DNAJC17: variants seen among roughly 807,000 people sequenced by gnomAD.
DNAJC17 encodes dnaJ homolog subfamily C member 17.
DNAJC17 carries 35 observed loss-of-function variants against 48.1 expected under a neutral mutation model. The ratio of observed to expected loss-of-function variants is 0.73; its 90% CI spans 0.56 to 0.96. The LOEUF (loss-of-function observed/expected upper bound fraction) is 0.96, where lower values mean the gene tolerates loss of function less well. DNAJC17 is among the 50% of genes least tolerant of loss of function. The pLI is 0.00. For missense variants in DNAJC17, 355 were observed against 377.1 expected, an observed-to-expected ratio of 0.94 and a Z score of 0.48; for synonymous variants, 117 against 142.7, an observed-to-expected ratio of 0.82 and a Z score of 1.28.
At position 40,767,107 on chromosome 15, in the gene DNAJC17, A is replaced by G; in HGVS notation, c.*833T>C. On this transcript the variant is annotated 3_prime_UTR_variant, in exon 11 of 11. Transcript: ENST00000220496. ...CGTGCACTTACCCCAGCGCCCAGCA[A>G]GCAGCCAGCAAGTGTGAGTCACTAC... 8.3e-6 allele frequency: 9 copies of G among 1,078,646 alleles called. No homozygotes were observed. The highest frequency in any genetic ancestry group is 1.1e-5 in the Non-Finnish European group (9 of 792,490). The allele number at this position is 1,078,646 out of a possible 1,614,324, so 66.8% of individuals were successfully genotyped here. A position where few individuals can be genotyped will look rare whatever the true frequency, so the allele number is the denominator to read the frequency against.
chr15:40,767,930 G>A lies in DNAJC17; in HGVS notation c.*10C>T. The A allele has an allele frequency of 6.2e-7, 1 of 1,611,716 alleles. No homozygotes were observed. On this transcript the variant is annotated 3_prime_UTR_variant, in exon 11 of 11. Coordinates refer to ENST00000220496, the MANE Select transcript of DNAJC17 (RefSeq NM_018163.3). ...GAAAAGGGCTGAGGGGTGGATGGCTGGAGCTGGGGCTACGTAGGCGGCCCC... is the reference window on the plus strand; with the variant it reads ...GAAAAGGGCTGAGGGGTGGATGGCTAGAGCTGGGGCTACGTAGGCGGCCCC...
In DNAJC17 at chr15:40,767,060, T is replaced by C. The variant is rs1888964680; in HGVS notation, c.*880A>G. 3.6e-6 allele frequency: 2 copies of C among 553,254 alleles called. No homozygotes were observed. Among genetic ancestry groups the C allele is most frequent in the African/African-American group, 1.9e-5 (1 of 51,472 alleles). The allele number at this position is 553,254 out of a possible 1,614,324, so 34.3% of individuals were successfully genotyped here. A position where few individuals can be genotyped will look rare whatever the true frequency, so the allele number is the denominator to read the frequency against. ...TAAATGAGATAGCTCGTGAAGTACC[T>C]AGAAGGGGAGGAGGCAGGGGGCGTG... is the stretch of plus-strand genomic sequence containing the variant. On this transcript the variant is annotated 3_prime_UTR_variant, in exon 11 of 11. Coordinates refer to ENST00000220496, the MANE Select transcript of DNAJC17 (RefSeq NM_018163.3).
intron 8 of DNAJC17, among the ~76,000 whole-genome samples, 159 bp from the exon 9 acceptor site, chr15:40,774,595 G>C (rs1889263737): frequency 6.6e-6 from 1 of 152,256 alleles, no homozygotes; most frequent in Non-Finnish European, 1.5e-5. Context: ...TGAGATCAGA[G>C]ATAGGAAAGA....
At chr15:40,775,241 C>T (rs1889286404) in intron 7 of DNAJC17, 133 bp from the exon 8 acceptor site, 1 of 1,006,474 alleles carries the variant, frequency 9.9e-7, no homozygotes, top group Non-Finnish European at 1.5e-6. Flanking sequence ...GGGAGTGCCA[C>T]CAGAAACATT....
chr15:40,802,157 G>A (rs1301471432), intron 1 of DNAJC17, among the ~76,000 whole-genome samples: 1 of 150,510 alleles, frequency 6.6e-6, no homozygotes, highest in Non-Finnish European at 1.5e-5. Context: ...AGAGAGAATT[G>A]AAAGAGTTCA....
chr15:40,774,841 A>G (rs1889272584), intron 8 of DNAJC17, 190 bp downstream of exon 8: 2 of 641,780 alleles, frequency 3.1e-6, no homozygotes, highest in East Asian at 5.5e-5. Flanking sequence ...AAGGGGGCAC[A>G]TGGCCACACA....
intron 6 of DNAJC17, 39 bp downstream of exon 6, chr15:40,776,157 T>C: frequency 6.2e-7 from 1 of 1,600,474 alleles, no homozygotes; most frequent in Non-Finnish European, 8.5e-7. Context: ...AATCTGGAGC[T>C]ACCTTGGAGG....
At chr15:40,799,011 A>T (rs145245134) in intron 1 of DNAJC17, among the ~76,000 whole-genome samples, 1 of 151,778 alleles carries the variant, frequency 6.6e-6, no homozygotes, top group African/African-American at 2.4e-5. Flanking sequence ...CGAGGTGAGG[A>T]GATAGAGACC....
At chr15:40,790,673 T>A (rs186901770) in intron 1 of DNAJC17, among the ~76,000 whole-genome samples, 1 of 152,332 alleles carries the variant, frequency 6.6e-6, no homozygotes, top group African/African-American at 2.4e-5. Context: ...TGTTTCCACA[T>A]CTAGGAATTG....
At chr15:40,798,934 T>G (rs1178537475) in intron 1 of DNAJC17, among the ~76,000 whole-genome samples, 2 of 152,106 alleles carry the variant, frequency 1.3e-5, no homozygotes, top group African/African-American at 2.4e-5. Context: ...ATTTGGCGCT[T>G]GCTGGCTGGG....
chr15:40,779,457 A>G, intron 3 of DNAJC17, 88 bp downstream of exon 3: 1 of 1,584,886 alleles, frequency 6.3e-7, no homozygotes, highest in Non-Finnish European at 8.7e-7. Flanking sequence ...GGACTGTGCC[A>G]CATGGCAAAG....
intron 2 of DNAJC17, 139 bp downstream of exon 2, chr15:40,779,789 G>A: frequency 1.8e-6 from 2 of 1,135,306 alleles, no homozygotes; most frequent in Non-Finnish European, 2.6e-6. Flanking sequence ...CTCACAGGAG[G>A]GAAGCCCTGG....
intron 1 of DNAJC17, among the ~76,000 whole-genome samples, chr15:40,786,546 G>A (rs2141955831): frequency 6.6e-6 from 1 of 152,320 alleles, no homozygotes; most frequent in South Asian, 2.1e-4. Flanking sequence ...GGATCACTGA[G>A]GCAGAGCTGA....
chr15:40,776,438 G>A, intron 5 of DNAJC17, 104 bp downstream of exon 5: 1 of 1,486,108 alleles, frequency 6.7e-7, no homozygotes. Flanking sequence ...CCCACTGAAG[G>A]TGCAAAGAGC....
chr15:40,795,269 G>A (rs1447647071), intron 1 of DNAJC17, among the ~76,000 whole-genome samples: 1 of 135,648 alleles, frequency 7.4e-6, no homozygotes, highest in East Asian at 2.4e-4. Context: ...AAGGAAGGGA[G>A]GAAGGGGAGG....
At position 40,768,007 on chromosome 15, in the gene DNAJC17, T is replaced by A. The variant is rs1265745357; in HGVS notation, c.848A>T (p.Gln283Leu). ...YESLVMMRMR[Q>L]AAERQQLIAR... ...GATCAGCTGTTGCCGCTCGGCCGCC[T>A]GGCGCATGCGCATCATGACGAGGCT... The change falls in exon 11 of 11, where the codon CAG becomes CTG. Residue 283 changes from glutamine (Q) to leucine (L), a missense_variant. Around this residue, in one of 3 missense-constraint regions of DNAJC17, gnomAD observed 88 missense variants for 67.7 expected, o/e 1.30. Coordinates refer to ENST00000220496, the MANE Select transcript of DNAJC17 (RefSeq NM_018163.3). 2 of 1,604,366 alleles carry A rather than the reference T, an allele frequency of 1.2e-6. No homozygotes were observed. Among genetic ancestry groups the A allele is most frequent in the Admixed American group, 3.5e-5 (2 of 57,204 alleles).
intron 1 of DNAJC17, among the ~76,000 whole-genome samples, chr15:40,801,523 G>A (rs767396274): frequency 6.6e-6 from 1 of 152,072 alleles, no homozygotes; most frequent in Admixed American, 6.6e-5. Context: ...TTGGGAGGCC[G>A]AGGTGGGCGG....
At chr15:40,807,095 T>A (rs1236505619) in intron 1 of DNAJC17, 2 of 718,516 alleles carry the variant, frequency 2.8e-6, no homozygotes, top group Non-Finnish European at 4.5e-6. Context: ...TAGCGTTCCT[T>A]GCTGCCTCGC....
chr15:40,800,942 C>T (rs931475612), intron 1 of DNAJC17, among the ~76,000 whole-genome samples: 1 of 145,576 alleles, frequency 6.9e-6, no homozygotes, highest in Non-Finnish European at 1.5e-5. Context: ...TGGGCGACAG[C>T]GAGACTCCGT....
Sources: allele counts gnomAD v4.1 joint callset (sites outside exome capture counted in the v4.1 genomes callset), GRCh38; gene constraint gnomAD v4.1.1; regional missense constraint gnomAD v4.1.1; transcripts MANE v1.5; gene names NCBI Gene and HGNC (gene_info 2026-07-23, HGNC 2026-07-21).